Variants in NELL1 observed in about 807,000 individuals in gnomAD.
NELL1 encodes the protein neural EGFL like 1, also known as protein kinase C-binding protein NELL1.
Under a neutral mutation model 107.4 loss-of-function variants are expected in NELL1, and 76 were observed. The ratio of observed to expected loss-of-function variants is 0.71; its 90% CI spans 0.59 to 0.86. The LOEUF is 0.86. Ranked by LOEUF, NELL1 falls within the 40% of genes least tolerant of loss-of-function variation. The pLI, the probability that NELL1 is intolerant of heterozygous loss-of-function variation, is 0.00. For synonymous variants in NELL1, 353 were observed against 341.2 expected (o/e 1.03, Z -0.38); for missense variants, 1,024 against 1,005.5 (o/e 1.02, Z -0.25).
At chr11:21,405,388 G>C (rs1852210828) in intron 15 of NELL1, among the ~76,000 whole-genome samples, 1 of 85,528 alleles carries the variant, frequency 1.2e-5, no homozygotes. Context: ...AAAAGAAACA[G>C]GATTCCAATT....
intron 16 of NELL1, among the ~76,000 whole-genome samples, chr11:21,547,403 A>T (rs1470401748): frequency 6.6e-6 from 1 of 151,830 alleles, no homozygotes; most frequent in African/African-American, 2.4e-5. Flanking sequence ...GACTTAGGTG[A>T]GGAATAATTA....
At chr11:21,092,644 C>CA (rs1022694592) in intron 12 of NELL1, among the ~76,000 whole-genome samples, 1 of 151,812 alleles carries the variant, frequency 6.6e-6, no homozygotes, top group East Asian at 1.9e-4. Flanking sequence ...AATTTGCTGT[C>CA]AAAAAAATCC....
intron 2 of NELL1, among the ~76,000 whole-genome samples, chr11:20,691,817 T>G (rs1854474513): frequency 6.6e-6 from 1 of 152,064 alleles, no homozygotes; most frequent in South Asian, 2.1e-4. Flanking sequence ...TTAGGGAGGA[T>G]TCCCTCTTTT....
At chr11:21,528,347 G>C (rs1855906483) in intron 15 of NELL1, among the ~76,000 whole-genome samples, 1 of 152,094 alleles carries the variant, frequency 6.6e-6, no homozygotes, top group Non-Finnish European at 1.5e-5. Flanking sequence ...CCGAGTAGGA[G>C]GTGTTTGGGT....
At chr11:20,939,891 C>T (rs1469837845) in intron 10 of NELL1, among the ~76,000 whole-genome samples, 1 of 152,276 alleles carries the variant, frequency 6.6e-6, no homozygotes, top group East Asian at 1.9e-4. Context: ...TGGCTATCTA[C>T]ACAAACTCTC....
At chr11:20,988,412 CACATGTACATATGTGTGTATAT>C in intron 12 of NELL1, among the ~76,000 whole-genome samples, 4 of 148,516 alleles carry the variant, frequency 2.7e-5, no homozygotes, top group African/African-American at 7.6e-5. Flanking sequence ...TCTATATATA[CACATGTACATATGTGTGTATAT>C]ATATCTATAT....
At chr11:20,934,064 C>T (rs1482179119) in intron 9 of NELL1, among the ~76,000 whole-genome samples, 1 of 151,992 alleles carries the variant, frequency 6.6e-6, no homozygotes. Context: ...CAGCCAAACG[C>T]ACCAGAGCCT....
At chr11:20,837,529 A>G (rs1848555702) in intron 3 of NELL1, among the ~76,000 whole-genome samples, 1 of 152,174 alleles carries the variant, frequency 6.6e-6, no homozygotes, top group African/African-American at 2.4e-5. Flanking sequence ...GATTTCGCAT[A>G]CCATTCTCCA....
At chr11:20,931,978 G>A (rs1225046578) in intron 9 of NELL1, among the ~76,000 whole-genome samples, 2 of 152,138 alleles carry the variant, frequency 1.3e-5, no homozygotes, top group African/African-American at 4.8e-5. Context: ...CTCACTGAGT[G>A]TTCACGGACT....
At chr11:21,272,975 A>C (rs557502517) in intron 14 of NELL1, among the ~76,000 whole-genome samples, 1 of 152,352 alleles carries the variant, frequency 6.6e-6, no homozygotes, top group African/African-American at 2.4e-5. Context: ...GAAAAACTGG[A>C]AACTCTAAAA....
At chr11:20,991,333 T>G (rs1851966812) in intron 12 of NELL1, among the ~76,000 whole-genome samples, 2 of 152,348 alleles carry the variant, frequency 1.3e-5, no homozygotes, top group East Asian at 3.9e-4. Context: ...CTGAGATTTC[T>G]AAGGTGGATT....
intron 3 of NELL1, among the ~76,000 whole-genome samples, chr11:20,817,425 A>G (rs1396539758): frequency 3.3e-5 from 5 of 152,136 alleles, no homozygotes; most frequent in Admixed American, 1.3e-4. Flanking sequence ...TCGTGTGCAT[A>G]AAGGTGTTCA....
chr11:20,848,564 A>G (rs370183364), intron 4 of NELL1, among the ~76,000 whole-genome samples: 1 of 151,924 alleles, frequency 6.6e-6, no homozygotes, highest in East Asian at 1.9e-4. Flanking sequence ...TTTTTTTTGC[A>G]TTCTGAGCAG....
At chr11:21,246,849 A>G (rs1276203692) in intron 14 of NELL1, among the ~76,000 whole-genome samples, 1 of 152,186 alleles carries the variant, frequency 6.6e-6, no homozygotes, top group East Asian at 1.9e-4. Flanking sequence ...GTGGCAAGCC[A>G]GAGAGGAGAA....
At chr11:21,226,748 G>T (rs1042922802) in intron 13 of NELL1, among the ~76,000 whole-genome samples, 1 of 152,150 alleles carries the variant, frequency 6.6e-6, no homozygotes, top group Non-Finnish European at 1.5e-5. Context: ...AAGAGGTAAA[G>T]ATATTAAATT....
chr11:21,265,975 C>T (rs1848625737), intron 14 of NELL1, among the ~76,000 whole-genome samples: 1 of 151,958 alleles, frequency 6.6e-6, no homozygotes, highest in African/African-American at 2.4e-5. Flanking sequence ...AACAGGAATG[C>T]TTAGTGTACC....
rs574262986 is a variant in NELL1 at position 20,708,294 on chromosome 11, G to A, written c.184+30234G>A. ...AATTCCCCGATCCCTTGCACTTCCC[G>A]GGTGAGGCGATGCCCCGCCCTGCTT... On this transcript the variant is annotated intron_variant, in intron 2 of 19. Coordinates refer to ENST00000357134, the MANE Select transcript of NELL1 (RefSeq NM_006157.5). 5.3e-5 allele frequency among the ~76,000 whole-genome samples: 8 copies of A among 152,310 alleles called. No homozygotes were observed. In the East Asian group the frequency reaches 7.7e-4, roughly 15 times the overall value.
In NELL1 at chr11:21,565,210, C is replaced by A. The variant is rs116478540; in HGVS notation, c.1980+4828C>A. ...CTGTGCAAGCTGTAAGATTGTGTTT[C>A]TTTTCCTTGGAAAGAGGAACTTATT... On this transcript the variant is annotated intron_variant, in intron 17 of 19. Transcript: ENST00000357134. Among the ~76,000 whole-genome samples the A allele has an allele frequency of 4.1e-3, 619 of 151,986 alleles. 9 individuals carry two copies. The highest frequency in any genetic ancestry group is 0.014 in the African/African-American group (594 of 41,518).
intron 15 of NELL1, among the ~76,000 whole-genome samples, chr11:21,502,875 T>A (rs185627312): frequency 2.6e-5 from 4 of 152,300 alleles, no homozygotes; most frequent in South Asian, 2.1e-4. Flanking sequence ...TTTTAAAAAA[T>A]TTTTATTTAT....
Sources: allele counts gnomAD v4.1 joint callset (sites outside exome capture counted in the v4.1 genomes callset), GRCh38; gene constraint gnomAD v4.1.1; transcripts MANE v1.5; gene names NCBI Gene and HGNC (gene_info 2026-07-23, HGNC 2026-07-21).